The following CTIF variants were observed in gnomAD, a reference collection of about 807,000 sequenced individuals.
CTIF encodes the protein cap binding complex dependent translation initiation factor.
In CTIF, 21 loss-of-function variants were observed where a neutral mutation model predicts 66.0. The observed-to-expected ratio is 0.32, with a 90% CI of 0.23 to 0.46. The LOEUF is 0.46. Among genes scored for constraint, CTIF ranks in the 20% least tolerant of loss-of-function variants. The pLI, the probability that CTIF is intolerant of heterozygous loss-of-function variation, is 1.00. For missense variants in CTIF, 739 were observed against 812.7 expected, an observed-to-expected ratio of 0.91 and a Z score of 1.10; for synonymous variants, 345 against 326.4, an observed-to-expected ratio of 1.06 and a Z score of -0.62.
intron 1 of CTIF, among the ~76,000 whole-genome samples, chr18:48,604,620 T>C (rs2090170360): frequency 1.3e-5 from 2 of 152,242 alleles, no homozygotes; most frequent in South Asian, 4.1e-4. Flanking sequence ...CCATGTACAT[T>C]ACTTTTTTAA....
intron 6 of CTIF, among the ~76,000 whole-genome samples, chr18:48,684,689 C>A (rs1263008475): frequency 6.6e-6 from 1 of 152,118 alleles, no homozygotes; most frequent in Admixed American, 6.5e-5. Context: ...AGGAAAGTTG[C>A]AAAAATAACA....
intron 8 of CTIF, among the ~76,000 whole-genome samples, chr18:48,758,672 C>T (rs1470375345): frequency 6.6e-6 from 1 of 152,156 alleles, no homozygotes; most frequent in Admixed American, 6.5e-5. Context: ...TTGGAACCAG[C>T]CCCCAGCCCA....
At chr18:48,699,667 G>A (rs1166626317) in intron 6 of CTIF, among the ~76,000 whole-genome samples, 2 of 152,222 alleles carry the variant, frequency 1.3e-5, no homozygotes, top group African/African-American at 2.4e-5. Flanking sequence ...TCCTAGCCCA[G>A]GGGTCTCCAC....
At chr18:48,557,782 G>T (rs2089057078) in intron 1 of CTIF, among the ~76,000 whole-genome samples, 1 of 152,260 alleles carries the variant, frequency 6.6e-6, no homozygotes. Flanking sequence ...CTGCCTTGCA[G>T]ACAGCTGCCC....
intron 2 of CTIF, chr18:48,621,474 G>A (rs2090492358): frequency 6.2e-6 from 2 of 321,002 alleles, no homozygotes; most frequent in Non-Finnish European, 5.9e-6. Context: ...TCGTCAGGAG[G>A]TGCGAGTCCT....
intron 2 of CTIF, among the ~76,000 whole-genome samples, chr18:48,629,527 T>C (rs911537025): frequency 1.3e-5 from 2 of 152,098 alleles, no homozygotes; most frequent in African/African-American, 4.8e-5. Flanking sequence ...CTCCAGTGTG[T>C]ATTTCCTCAG....
At chr18:48,845,741 T>C (rs2069056882) in intron 10 of CTIF, among the ~76,000 whole-genome samples, 1 of 152,144 alleles carries the variant, frequency 6.6e-6, no homozygotes, top group Admixed American at 6.5e-5. Flanking sequence ...TCATTCACTT[T>C]CCCTAAAACC....
At chr18:48,587,532 G>A (rs115441981) in intron 1 of CTIF, among the ~76,000 whole-genome samples, 1,747 of 152,270 alleles carry the variant, frequency 0.011, 25 homozygotes, top group African/African-American at 0.034. Context: ...GTGGCATGCC[G>A]GATAGCAGAG....
intron 9 of CTIF, among the ~76,000 whole-genome samples, chr18:48,772,344 T>G (rs1910232175): frequency 6.6e-6 from 1 of 152,208 alleles, no homozygotes; most frequent in Non-Finnish European, 1.5e-5. Flanking sequence ...ATTCACCATC[T>G]GAACTAGTTT....
intron 7 of CTIF, among the ~76,000 whole-genome samples, chr18:48,731,719 A>G (rs964671796): frequency 1.1e-4 from 17 of 152,228 alleles, no homozygotes; most frequent in Admixed American, 1.1e-3. Context: ...ATGGTCCCTT[A>G]CCACTGCAGT....
chr18:48,692,482 A>G (rs1228057830), intron 6 of CTIF: 1 of 152,018 alleles, frequency 6.6e-6, no homozygotes, highest in East Asian at 1.9e-4. Flanking sequence ...CCTCTTTGTA[A>G]GAAGTGTTTC....
intron 3 of CTIF, among the ~76,000 whole-genome samples, chr18:48,638,392 T>C (rs2090863399): frequency 1.3e-5 from 2 of 152,148 alleles, no homozygotes; most frequent in South Asian, 4.1e-4. Context: ...CTCTTTACCA[T>C]CTTTCTGGGG....
intron 6 of CTIF, among the ~76,000 whole-genome samples, chr18:48,685,892 A>G (rs1012939608): frequency 6.6e-6 from 1 of 151,552 alleles, no homozygotes; most frequent in Non-Finnish European, 1.5e-5. Flanking sequence ...GGCCGGGCTG[A>G]TCTCAAGCTC....
chr18:48,792,969 GTGGTAT>G (rs1251009651), intron 9 of CTIF, among the ~76,000 whole-genome samples: 1 of 152,188 alleles, frequency 6.6e-6, no homozygotes, highest in Non-Finnish European at 1.5e-5. Context: ...GTGCTATTAG[GTGGTAT>G]TTAAAACCAT....
intron 7 of CTIF, among the ~76,000 whole-genome samples, chr18:48,739,495 G>A (rs1001953912): frequency 6.6e-6 from 1 of 152,190 alleles, no homozygotes; most frequent in African/African-American, 2.4e-5. Flanking sequence ...TCTGGCCCTG[G>A]CTCTGCCCTT....
At chr18:48,631,484 A>G (rs150271365) in intron 2 of CTIF, among the ~76,000 whole-genome samples, 1 of 152,268 alleles carries the variant, frequency 6.6e-6, no homozygotes, top group African/African-American at 2.4e-5. Flanking sequence ...CAAACAAACA[A>G]TAAAACACTC....
chr18:48,752,382 C>T (rs1040836969), intron 7 of CTIF, among the ~76,000 whole-genome samples: 2 of 152,146 alleles, frequency 1.3e-5, no homozygotes, highest in Admixed American at 6.5e-5. Context: ...TTACAGGGCC[C>T]GTGTGTTGCC....
At chr18:48,556,571 G>A (rs1469939403) in intron 1 of CTIF, among the ~76,000 whole-genome samples, 1 of 151,536 alleles carries the variant, frequency 6.6e-6, no homozygotes, top group Non-Finnish European at 1.5e-5. Context: ...CATTGTGTTT[G>A]TTTGTTTTTT....
At chr18:48,782,676 G>A (rs762794087) in intron 9 of CTIF, among the ~76,000 whole-genome samples, 26 of 152,224 alleles carry the variant, frequency 1.7e-4, no homozygotes, top group Non-Finnish European at 3.2e-4. Flanking sequence ...GCTCTGGGAA[G>A]CTGCAGGCGG....
Sources: gnomAD v4.1 joint callset for allele counts (sites outside exome capture counted in the v4.1 genomes callset) on GRCh38, gnomAD v4.1.1 for gene constraint, MANE v1.5 for transcripts, NCBI Gene and HGNC (gene_info 2026-07-23, HGNC 2026-07-21) for gene names.